The following CHD4 variants were observed in gnomAD, a reference collection of about 807,000 sequenced individuals.
CHD4 encodes chromodomain helicase DNA binding protein 4.
Under a neutral mutation model 235.5 loss-of-function variants are expected in CHD4, and 35 were observed. That is an observed-to-expected ratio of 0.15 (90% confidence interval 0.11 to 0.20). CHD4 has a LOEUF of 0.20. CHD4 is among the 10% of genes least tolerant of loss of function. The pLI is 1.00. For missense variants in CHD4, 1,329 were observed against 2,432.3 expected (o/e 0.55, Z 9.54); for synonymous variants, 900 against 850.2 (o/e 1.06, Z -1.02).
At chr12:6,602,303 T>TC in intron 3 of CHD4, 73 bp downstream of exon 3, 10 of 1,605,762 alleles carry the variant, frequency 6.2e-6, no homozygotes, top group Non-Finnish European at 8.5e-6. Flanking sequence ...ACAAATGCCC[T>TC]CAGCCCTTCA....
At chr12:6,603,554 G>A (rs1215752258) in intron 2 of CHD4, among the ~76,000 whole-genome samples, 2 of 147,980 alleles carry the variant, frequency 1.4e-5, no homozygotes, top group African/African-American at 2.5e-5. Flanking sequence ...GGGTTTGAGA[G>A]AGGTGGGGTG....
At position 6,583,082 on chromosome 12, in the gene CHD4, G is replaced by T. The variant is rs974734141; in HGVS notation, c.4092C>A (p.Ser1364=). 1 of 1,580,310 alleles carries T rather than the reference G, an allele frequency of 6.3e-7. No individual in the cohort carries two copies. Among genetic ancestry groups the T allele is most frequent in the Non-Finnish European group, 8.6e-7 (1 of 1,163,270 alleles). The part of the protein sequence containing the change: ...DWQDDQSDNQ[S]DYSVASEEGD... ...CTTCCTCTGAAGCCACTGAGTAATC[G>T]GACTGGTTGTCGGACTGGTCGTCCT... The change falls in exon 27 of 40, where the codon TCC becomes TCA. Residue 1364 remains serine (S), a synonymous_variant. Transcript: ENST00000544040.
chr12:6,595,124 C>CTT (rs1027831060), intron 14 of CHD4, among the ~76,000 whole-genome samples: 1 of 147,812 alleles, frequency 6.8e-6, no homozygotes, highest in Non-Finnish European at 1.5e-5. Flanking sequence ...AATATACCTC[C>CTT]TTTTTTTTTT....
rs1313538009 is a variant in CHD4 at position 6,606,471 on chromosome 12, G to C, written c.-78-20C>G. On this transcript the variant is annotated intron_variant, in intron 1 of 39. Coordinates refer to ENST00000544040, the MANE Select transcript of CHD4 (RefSeq NM_001273.5). ...GAGTCACTGTGCGGGGGAGGGGGGA[G>C]AAACACAGAACAGTCAGTGACGCGC... is the stretch of plus-strand genomic sequence containing the variant. 6.3e-6 allele frequency: 4 copies of C among 635,550 alleles called. No individual in the cohort carries two copies. Among genetic ancestry groups the C allele is most frequent in the Non-Finnish European group, 1.1e-5 (4 of 373,120 alleles). The allele number at this position is 635,550 out of a possible 1,614,324, so 39.4% of individuals were successfully genotyped here.
At chr12:6,577,586 C>T (rs1404227252) in intron 37 of CHD4, 199 bp downstream of exon 37, 2 of 647,354 alleles carry the variant, frequency 3.1e-6, no homozygotes, top group Non-Finnish European at 5.2e-6. Flanking sequence ...CACATAGTCA[C>T]CTACAGCTCA....
In CHD4 at chr12:6,594,489, T is replaced by C. The variant is rs1948452295; in HGVS notation, c.2283A>G (p.Thr761=). The C allele has an allele frequency of 3.1e-6, 5 of 1,613,282 alleles. No individual in the cohort carries two copies. Among genetic ancestry groups the C allele is most frequent in the South Asian group, 1.1e-5 (1 of 91,004 alleles). The part of the protein sequence containing the change: ...DEMGLGKTVQ[T]AVFLYSLYKE... Reference sequence around the variant, plus strand: ...TGTAAAGGGAATACAGGAAGACTGCTGTCTGTACAGTTTTCCCAAGGCCCA... The same window carrying C: ...TGTAAAGGGAATACAGGAAGACTGCCGTCTGTACAGTTTTCCCAAGGCCCA... Residue 761 remains threonine, a synonymous_variant, in exon 15 of 40, where the codon ACA becomes ACG. Coordinates refer to ENST00000544040, the MANE Select transcript of CHD4 (RefSeq NM_001273.5).
chr12:6,573,627 A>G (rs1030416876), intron 37 of CHD4, among the ~76,000 whole-genome samples: 4 of 152,194 alleles, frequency 2.6e-5, no homozygotes, highest in Admixed American at 1.3e-4. Flanking sequence ...AGTTTTTTAC[A>G]TAACTGAGAT....
At chr12:6,577,939 A>G in intron 36 of CHD4, 22 bp from the exon 37 acceptor site, 1 of 1,613,462 alleles carries the variant, frequency 6.2e-7, no homozygotes. Context: ...GTGCTCAGGA[A>G]AAACAAAACA....
intron 19 of CHD4, 90 bp from the exon 20 acceptor site, chr12:6,592,147 C>G: frequency 6.6e-7 from 1 of 1,509,730 alleles, no homozygotes; most frequent in South Asian, 1.2e-5. Context: ...TTTCTTCCAA[C>G]ACATCCCACT....
rs112803905 is a variant in CHD4 at position 6,593,521 on chromosome 12, G to A, written c.2409C>T (p.Val803=). 89 of 1,614,116 alleles carry A rather than the reference G, an allele frequency of 5.5e-5. 2 individuals are homozygous for A. Among genetic ancestry groups the A allele is most frequent in the African/African-American group, 4.9e-4 (37 of 75,020 alleles). ...EFEMWAPDMY[V]VTYVGDKDSR... is the part of the protein sequence containing the mutation. ...TGTCCTTGTCACCCACATAGGTTAC[G>A]ACATACATGTCTGGAGCCCACATTT... is the stretch of plus-strand genomic sequence containing the variant. Residue 803 remains valine (V), a synonymous_variant, in exon 16 of 40, where the codon GTC becomes GTT. Coordinates refer to ENST00000544040, the MANE Select transcript of CHD4 (RefSeq NM_001273.5). The surrounding 1 kb of genome is among the most constrained non-coding windows in gnomAD (Gnocchi z 4.9).
rs532673049 is a variant in CHD4, at chr12:6,594,861, C to T, written c.2122-211G>A. Among the ~76,000 whole-genome samples the T allele has an allele frequency of 2.0e-5, 3 of 152,286 alleles. No homozygotes were observed. In the South Asian group the frequency reaches 6.2e-4, roughly 32 times the overall value. ...GGGCTTAACCAGACCTGATTTTGAT[C>T]CTACAGATCACTGAGGAAAAGCACG... On this transcript the variant is annotated intron_variant, in intron 14 of 39. Transcript: ENST00000544040.
rs189606214 is a variant in CHD4 at position 6,606,398 on chromosome 12, T to C, written c.-25A>G. On this transcript the variant is annotated 5_prime_UTR_variant, in exon 2 of 40. Transcript: ENST00000544040. The stretch of plus-strand genomic sequence containing the variant: ...TCCCCTTCCGCTCCCGGCCAGGGAA[T>C]TGGCCCAGCTGCTCCTGCCGGCGGC... The C allele has an allele frequency of 3.1e-4, 475 of 1,530,198 alleles. 1 individual carries two copies. The African/African-American group carries it at 5.9e-3, about 19-fold the overall frequency. The allele number at this position is 1,530,198 out of a possible 1,614,324, so 94.8% of individuals were successfully genotyped here. A position where few individuals can be genotyped will look rare whatever the true frequency, so the allele number is the denominator to read the frequency against.
chr12:6,582,245 C>T lies in CHD4; in HGVS notation c.4407G>A (p.Glu1469=), dbSNP rs937710762. The change falls in exon 30 of 40, where the codon GAG becomes GAA. Residue 1469 remains glutamate (E), a synonymous_variant. Coordinates refer to ENST00000544040, the MANE Select transcript of CHD4 (RefSeq NM_001273.5). ...AGGTCTCAGCCCCATCTGCCCCCGG[C>T]TCACATAAATGCCGCATGAAAAGAG... ...YVSLFMRHLC[E]PGADGAETFA... The T allele has an allele frequency of 6.3e-7, 1 of 1,598,896 alleles. No individual in the cohort carries two copies. Among genetic ancestry groups the T allele is most frequent in the South Asian group, 1.1e-5 (1 of 90,096 alleles).
rs1947945050 is a variant in CHD4, at chr12:6,570,497, A to T, written c.*179T>A. ...TACTGCTGCATGTCTCTTCTGCAGG[A>T]AGGGCACCACTGCCCCTCACTCCCT... On this transcript the variant is annotated 3_prime_UTR_variant, in exon 40 of 40. Transcript: ENST00000544040. The T allele has an allele frequency of 2.9e-6, 2 of 693,848 alleles. No homozygotes were observed. The highest frequency in any genetic ancestry group is 4.9e-6 in the Non-Finnish European group (2 of 411,890). The allele number at this position is 693,848 out of a possible 1,614,324, so 43.0% of individuals were successfully genotyped here. A position where few individuals can be genotyped will look rare whatever the true frequency, so the allele number is the denominator to read the frequency against.
At chr12:6,580,791 G>T in intron 33 of CHD4, 10 of 334,162 alleles carry the variant, frequency 3.0e-5, no homozygotes, top group East Asian at 9.7e-5. Flanking sequence ...GGTGGATCAT[G>T]AGGTCAGGAG....
At chr12:6,571,320 A>G (rs1947964629) in intron 38 of CHD4, 1 of 343,676 alleles carries the variant, frequency 2.9e-6, no homozygotes, top group Non-Finnish European at 5.3e-6. Context: ...TACCTTCAGA[A>G]TCTGTCTCCC....
At chr12:6,602,906 A>T (rs1285655558) in intron 2 of CHD4, 1 of 170,972 alleles carries the variant, frequency 5.8e-6, no homozygotes, top group African/African-American at 2.4e-5. Flanking sequence ...TCCTACTCAG[A>T]AGGCAAAAAC....
At chr12:6,572,477 T>A (rs1158724926) in intron 38 of CHD4, among the ~76,000 whole-genome samples, 1 of 150,972 alleles carries the variant, frequency 6.6e-6, no homozygotes, top group Non-Finnish European at 1.5e-5. Context: ...ATATTTGTAG[T>A]CCCAGCTACT....
At chr12:6,583,458 C>T in intron 25 of CHD4, 80 bp from the exon 26 acceptor site, 1 of 1,230,196 alleles carries the variant, frequency 8.1e-7, no homozygotes, top group Non-Finnish European at 1.1e-6. Flanking sequence ...AGTTCCCACT[C>T]TGCTAGCTCC....
Sources: allele counts gnomAD v4.1 joint callset (sites outside exome capture counted in the v4.1 genomes callset), GRCh38; gene constraint gnomAD v4.1.1; non-coding constraint Gnocchi (gnomAD v3.1); transcripts MANE v1.5; gene names NCBI Gene and HGNC (gene_info 2026-07-23, HGNC 2026-07-21).